The following ANKRD36C variants were observed in gnomAD, a reference collection of about 807,000 sequenced individuals.
The protein encoded by ANKRD36C is ankyrin repeat domain 36C, also known as ankyrin repeat domain-containing protein 36C.
A neutral mutation model predicts 276.4 loss-of-function variants in ANKRD36C; 61 were observed. The ratio of observed to expected loss-of-function variants is 0.22; its 90% CI spans 0.18 to 0.27. The LOEUF is 0.27. Among genes scored for constraint, ANKRD36C ranks in the 10% least tolerant of loss-of-function variants. The probability of loss-of-function intolerance (pLI) is 1.00; values close to 1 mark genes in which losing one functional copy is unlikely to be tolerated. For missense variants in ANKRD36C, 1,447 were observed against 2,032.3 expected, an observed-to-expected ratio of 0.71 and a Z score of 5.54; for synonymous variants, 483 against 680.1, an observed-to-expected ratio of 0.71 and a Z score of 4.51.
intron 1 of ANKRD36C, among the ~76,000 whole-genome samples, chr2:95,990,356 G>A (rs1467384262): frequency 1.3e-5 from 2 of 151,984 alleles, no homozygotes; most frequent in Non-Finnish European, 2.9e-5. Flanking sequence ...TTGTAATTGC[G>A]GCAAAAACCG....
chr2:95,969,490 C>T (rs1678656717), intron 6 of ANKRD36C, among the ~76,000 whole-genome samples: 1 of 152,052 alleles, frequency 6.6e-6, no homozygotes, highest in Non-Finnish European at 1.5e-5. Context: ...AAATTTGAGC[C>T]ATTACATCCC....
At chr2:95,912,487 A>C in intron 40 of ANKRD36C, 52 bp from the exon 43 acceptor site, 1 of 1,602,920 alleles carries the variant, frequency 6.2e-7, no homozygotes, top group East Asian at 2.3e-5. Flanking sequence ...TGATAAAGTT[A>C]TCCATACATT....
At chr2:95,972,070 C>T (rs1414753395) in intron 6 of ANKRD36C, among the ~76,000 whole-genome samples, 1 of 152,154 alleles carries the variant, frequency 6.6e-6, no homozygotes, top group African/African-American at 2.4e-5. Flanking sequence ...GGGGCTGTAA[C>T]TGCTGTGAAG....
chr2:95,895,775 C>T (rs1273620246), intron 44 of ANKRD36C, among the ~76,000 whole-genome samples, 185 bp from the exon 61 acceptor site: 1 of 150,958 alleles, frequency 6.6e-6, no homozygotes, highest in African/African-American at 2.4e-5. Flanking sequence ...AACACAGGCT[C>T]CATGAAATAT....
chr2:95,947,256 A>C (rs557059027), intron 17 of ANKRD36C, among the ~76,000 whole-genome samples: 2 of 151,904 alleles, frequency 1.3e-5, no homozygotes, highest in Non-Finnish European at 2.9e-5. Context: ...TCTCAGGATA[A>C]CTCACCTCAA....
intron 62 of ANKRD36C, among the ~76,000 whole-genome samples, chr2:95,856,708 T>G (rs1417553843): frequency 1.3e-5 from 2 of 152,180 alleles, no homozygotes; most frequent in East Asian, 1.9e-4. Context: ...AAATGATAAG[T>G]CTAGGCATTA....
chr2:95,862,897 C>T (rs916281303), intron 60 of ANKRD36C, among the ~76,000 whole-genome samples: 4 of 151,854 alleles, frequency 2.6e-5, no homozygotes, highest in African/African-American at 7.3e-5. Flanking sequence ...TGAACTAGGA[C>T]GTGTTCCCTA....
intron 6 of ANKRD36C, among the ~76,000 whole-genome samples, chr2:95,970,595 C>T (rs927308494): frequency 1.3e-5 from 2 of 152,148 alleles, no homozygotes; most frequent in African/African-American, 4.8e-5. Flanking sequence ...ATCTTTGTCA[C>T]TTTATGTAAA....
At chr2:95,943,750 A>G (rs1677960328) in intron 19 of ANKRD36C, among the ~76,000 whole-genome samples, 1 of 151,926 alleles carries the variant, frequency 6.6e-6, no homozygotes, top group South Asian at 2.1e-4. Flanking sequence ...ATTTTGCATT[A>G]TCTATGAACA....
At chr2:95,948,702 C>T in intron 16 of ANKRD36C, 106 bp from the exon 17 acceptor site, 1 of 1,023,980 alleles carries the variant, frequency 9.8e-7, no homozygotes, top group Non-Finnish European at 1.4e-6. Flanking sequence ...AATGGTAAAA[C>T]AAAGTCTGAG....
chr2:95,875,563 G>A (rs1006276497), intron 59 of ANKRD36C, among the ~76,000 whole-genome samples: 1 of 150,556 alleles, frequency 6.6e-6, no homozygotes, highest in Non-Finnish European at 1.5e-5. Flanking sequence ...ATAGCATTAG[G>A]AGATATACCT....
At position 95,944,186 on chromosome 2, in the gene ANKRD36C, C is replaced by T. The variant is rs1573790396; in HGVS notation, c.1491+441G>A. On this transcript the variant is annotated intron_variant, in intron 19 of 66. Coordinates refer to ENST00000456556, the Ensembl canonical transcript of ANKRD36C. The stretch of plus-strand genomic sequence containing the variant: ...ACATTCTACTGTCATTTAAATTCAC[C>T]GCTTTTGAGGTGTTTTATACTAATC... Among the ~76,000 whole-genome samples the T allele has an allele frequency of 5.9e-5, 9 of 152,158 alleles. No individual in the cohort carries two copies. The South Asian group carries it at 1.7e-3, about 28-fold the overall frequency.
intron 59 of ANKRD36C, among the ~76,000 whole-genome samples, chr2:95,874,510 C>A (rs1487461136): frequency 6.6e-6 from 1 of 152,218 alleles, no homozygotes; most frequent in Non-Finnish European, 1.5e-5. Flanking sequence ...CTTCCTTACA[C>A]CTTATACAAA....
intron 6 of ANKRD36C, among the ~76,000 whole-genome samples, chr2:95,967,345 C>A (rs1678612812): frequency 6.6e-6 from 1 of 152,116 alleles, no homozygotes; most frequent in South Asian, 2.1e-4. Context: ...ACAGACACTT[C>A]TCAAAAGAAT....
At chr2:95,943,792 C>T (rs1441906351) in intron 19 of ANKRD36C, among the ~76,000 whole-genome samples, 1 of 151,768 alleles carries the variant, frequency 6.6e-6, no homozygotes, top group Non-Finnish European at 1.5e-5. Flanking sequence ...TAAGACATCA[C>T]TTTACTGAAA....
chr2:95,979,843 C>G (rs1056130802), intron 5 of ANKRD36C, among the ~76,000 whole-genome samples: 1 of 151,980 alleles, frequency 6.6e-6, no homozygotes, highest in Non-Finnish European at 1.5e-5. Flanking sequence ...GTGGGCTTTA[C>G]ATCAGGTTTT....
intron 42 of ANKRD36C, 38 bp from the exon 46 acceptor site, chr2:95,910,483 G>A (rs536392694): frequency 7.3e-5 from 116 of 1,598,374 alleles, no homozygotes; most frequent in Non-Finnish European, 9.6e-5. Flanking sequence ...AATAAATAAA[G>A]TATGTTTCAT....
At chr2:95,976,251 C>A (rs1304031529) in intron 6 of ANKRD36C, among the ~76,000 whole-genome samples, 4 of 152,294 alleles carry the variant, frequency 2.6e-5, no homozygotes, top group African/African-American at 7.2e-5. Flanking sequence ...ACTAGAAATA[C>A]CATTTGACCC....
exon 28 of ANKRD36C, chr2:95,927,269 T>C (rs2104434079): frequency 6.2e-7 from 1 of 1,610,176 alleles, no homozygotes; most frequent in East Asian, 2.2e-5. Context: ...AAACAGAATC[T>C]TTCTCATCAC....
Sources: gnomAD v4.1 joint callset for allele counts (sites outside exome capture counted in the v4.1 genomes callset) on GRCh38, gnomAD v4.1.1 for gene constraint, MANE v1.5 for transcripts, NCBI Gene and HGNC (gene_info 2026-07-23, HGNC 2026-07-21) for gene names.